The following TAFA1 variants were observed in gnomAD, a reference collection of about 807,000 sequenced individuals.
TAFA1 encodes the protein chemokine-like protein TAFA-1.
Under a neutral mutation model 18.5 loss-of-function variants are expected in TAFA1, and 4 were observed. The ratio of observed to expected loss-of-function variants is 0.22; its 90% confidence interval spans 0.11 to 0.49. The LOEUF (loss-of-function observed/expected upper bound fraction) is 0.49. Among genes scored for constraint, TAFA1 ranks in the 20% least tolerant of loss-of-function variants. TAFA1 has a pLI of 0.98. For missense variants in TAFA1, 147 were observed against 169.0 expected (o/e 0.87, Z 0.72); for synonymous variants, 56 against 55.2 (o/e 1.01, Z -0.06).
intron 2 of TAFA1, among the ~76,000 whole-genome samples, chr3:68,069,175 C>T (rs2064721036): frequency 6.6e-6 from 1 of 152,176 alleles, no homozygotes; most frequent in South Asian, 2.1e-4. Flanking sequence ...AGTCCATTTT[C>T]ACACTGCTGA....
At chr3:68,008,666 C>G (rs968088341) in intron 2 of TAFA1, among the ~76,000 whole-genome samples, 2 of 152,132 alleles carry the variant, frequency 1.3e-5, no homozygotes, top group African/African-American at 4.8e-5. Flanking sequence ...GTGACCATGC[C>G]AAATAGCTTC....
chr3:68,259,886 G>A (rs1334680507), intron 2 of TAFA1, among the ~76,000 whole-genome samples: 1 of 149,946 alleles, frequency 6.7e-6, no homozygotes, highest in East Asian at 1.9e-4. Context: ...TCTGCAAACA[G>A]GGACAATTTG....
chr3:68,175,901 C>A (rs150591164), intron 2 of TAFA1, among the ~76,000 whole-genome samples: 2,720 of 152,214 alleles, frequency 0.018, 89 homozygotes, highest in African/African-American at 0.062. Flanking sequence ...GGGAGGGACC[C>A]AGTGGGAGGT....
At chr3:68,294,127 T>C (rs1286024596) in intron 2 of TAFA1, among the ~76,000 whole-genome samples, 1 of 152,228 alleles carries the variant, frequency 6.6e-6, no homozygotes, top group Non-Finnish European at 1.5e-5. Context: ...TGTCAAATTA[T>C]GTAATAAACA....
chr3:68,313,479 A>G (rs562071062), intron 2 of TAFA1, among the ~76,000 whole-genome samples: 4 of 152,340 alleles, frequency 2.6e-5, no homozygotes, highest in African/African-American at 9.6e-5. Context: ...AATTGTCCAA[A>G]TGTGCTGATT....
chr3:68,392,524 G>T (rs976462432), intron 2 of TAFA1, among the ~76,000 whole-genome samples: 5 of 151,848 alleles, frequency 3.3e-5, no homozygotes, highest in African/African-American at 1.2e-4. Flanking sequence ...ATAGACATCT[G>T]CAGAACCCTC....
intron 3 of TAFA1, among the ~76,000 whole-genome samples, chr3:68,534,336 T>C (rs1387778758): frequency 6.6e-6 from 1 of 152,232 alleles, no homozygotes; most frequent in Non-Finnish European, 1.5e-5. Context: ...AAGCCCCTAT[T>C]CTTTCTGTAA....
At chr3:68,477,819 G>C (rs1028068324) in intron 3 of TAFA1, among the ~76,000 whole-genome samples, 1 of 152,052 alleles carries the variant, frequency 6.6e-6, no homozygotes, top group African/African-American at 2.4e-5. Context: ...CCAATACTTG[G>C]TATTATCAAG....
chr3:68,380,240 G>A (rs148653837), intron 2 of TAFA1, among the ~76,000 whole-genome samples: 13 of 152,252 alleles, frequency 8.5e-5, no homozygotes, highest in African/African-American at 3.1e-4. Flanking sequence ...GCGTGCATGT[G>A]TCTTTATAGC....
At chr3:68,233,564 T>C (rs1428898324) in intron 2 of TAFA1, among the ~76,000 whole-genome samples, 2 of 152,180 alleles carry the variant, frequency 1.3e-5, no homozygotes, top group African/African-American at 4.8e-5. Flanking sequence ...ATACCTCCAG[T>C]TTTGTCCTTT....
intron 2 of TAFA1, among the ~76,000 whole-genome samples, chr3:68,025,478 G>T (rs1704794860): frequency 6.6e-6 from 1 of 152,114 alleles, no homozygotes; most frequent in South Asian, 2.1e-4. Context: ...GTCAGGTCTT[G>T]TCAGTCATCT....
chr3:68,358,657 C>G (rs1263476833), intron 2 of TAFA1, among the ~76,000 whole-genome samples: 2 of 151,980 alleles, frequency 1.3e-5, no homozygotes, highest in Admixed American at 1.3e-4. Context: ...TTCCCCATCC[C>G]TGCAGCTGCT....
chr3:68,260,877 A>G (rs1343014543), intron 2 of TAFA1, among the ~76,000 whole-genome samples: 1 of 152,194 alleles, frequency 6.6e-6, no homozygotes, highest in African/African-American at 2.4e-5. Context: ...CTTCATGTCT[A>G]AAACACCAAA....
chr3:68,271,836 T>A (rs75689921), intron 2 of TAFA1, among the ~76,000 whole-genome samples: 19,893 of 128,902 alleles, frequency 0.15, 1,503 homozygotes, highest in East Asian at 0.37. Context: ...TCTCTCTCTC[T>A]CACACACACA....
rs1372186230 is a variant in TAFA1 at position 68,538,803 on chromosome 3, G to A, written c.307G>A (p.Glu103Lys). ...KWWCEMEPCL[E>K]GEECKTLPDN... ...GTGGTGTGAGATGGAGCCTTGCCTA[G>A]AAGGAGAAGAATGTAAGACACTCCC... The change falls in exon 4 of 5, where the codon GAA becomes AAA. Residue 103 changes from glutamate to lysine, a missense_variant. Glu to Lys is a moderately conservative substitution (Grantham distance 56). Transcript: ENST00000478136. The A allele has an allele frequency of 1.2e-6, 2 of 1,613,472 alleles. No individual in the cohort carries two copies. The highest frequency in any genetic ancestry group is 1.7e-6 in the Non-Finnish European group (2 of 1,179,650).
intron 2 of TAFA1, among the ~76,000 whole-genome samples, chr3:68,364,200 GATATAGCTCTCAGA>G (rs1480987239): frequency 1.3e-5 from 2 of 152,152 alleles, no homozygotes; most frequent in Non-Finnish European, 2.9e-5. Context: ...AGGACAGAAG[GATATAGCTCTCAGA>G]ATATCCTGTA....
At chr3:68,300,510 G>A (rs9820891) in intron 2 of TAFA1, among the ~76,000 whole-genome samples, 9,619 of 152,240 alleles carry the variant, frequency 0.063, 473 homozygotes, top group African/African-American at 0.13. Context: ...TATCTCAGAT[G>A]AGGCTTTGGA....
rs117827583 is a variant in TAFA1 at position 68,033,466 on chromosome 3, T to A, written c.118+26722T>A. On this transcript the variant is annotated intron_variant, in intron 2 of 4. Transcript: ENST00000478136. ...TTTAAGGGCATTCACAATGCAAGCA[T>A]TTAGCTTCTGACATTGATATTTTCT... Among the ~76,000 whole-genome samples the A allele has an allele frequency of 9.2e-3, 1,408 of 152,346 alleles. 19 individuals carry two copies. Among genetic ancestry groups the A allele is most frequent in the East Asian group, 0.017 (90 of 5,188 alleles).
At chr3:68,169,105 A>T (rs887146631) in intron 2 of TAFA1, among the ~76,000 whole-genome samples, 2 of 152,234 alleles carry the variant, frequency 1.3e-5, no homozygotes, top group African/African-American at 4.8e-5. Context: ...TTATGTCTCC[A>T]TATATCTGTG....
Sources: gnomAD v4.1 joint callset for allele counts (sites outside exome capture counted in the v4.1 genomes callset) on GRCh38, gnomAD v4.1.1 for gene constraint, MANE v1.5 for transcripts, NCBI Gene and HGNC (gene_info 2026-07-23, HGNC 2026-07-21) for gene names.